Variants in ANK2 observed in about 807,000 individuals in gnomAD.
The protein encoded by ANK2 is ankyrin-2.
ANK2 carries 83 observed loss-of-function variants against 360.5 expected under a neutral mutation model. The ratio of observed to expected loss-of-function variants is 0.23; its 90% CI spans 0.19 to 0.28. The LOEUF (loss-of-function observed/expected upper bound fraction) is 0.28, where lower values mean the gene tolerates loss of function less well. Among genes scored for constraint, ANK2 ranks in the 10% least tolerant of loss-of-function variants. The probability of loss-of-function intolerance (pLI) is 1.00; values close to 1 mark genes in which losing one functional copy is unlikely to be tolerated. For missense variants in ANK2, 4,201 were observed against 4,795.7 expected, an observed-to-expected ratio of 0.88 and a Z score of 3.66; for synonymous variants, 1,740 against 1,759.5, an observed-to-expected ratio of 0.99 and a Z score of 0.28.
chr4:112,865,569 A>G (rs1205200580), intron 1 of ANK2, among the ~76,000 whole-genome samples: 2 of 152,220 alleles, frequency 1.3e-5, no homozygotes, highest in Non-Finnish European at 2.9e-5. Flanking sequence ...TGCTTACAAA[A>G]CAGTTAGGGA....
chr4:113,300,009 A>G (rs907045668), intron 22 of ANK2, among the ~76,000 whole-genome samples: 1 of 152,124 alleles, frequency 6.6e-6, no homozygotes, highest in Non-Finnish European at 1.5e-5. Context: ...CCACTAATAC[A>G]GAATATGGGC....
chr4:112,941,058 G>A lies in ANK2; in HGVS notation c.21+36544G>A, dbSNP rs1349442533. Reference sequence around the variant, plus strand: ...TTGTGAGAAGAGTTTGGCTACTTTAGCATAAAAGTTACTAAATGCACCTTT... The same window carrying A: ...TTGTGAGAAGAGTTTGGCTACTTTAACATAAAAGTTACTAAATGCACCTTT... On this transcript the variant is annotated intron_variant, in intron 2 of 30. Coordinates refer to the ANK2 transcript ENST00000503271. Among the ~76,000 whole-genome samples the A allele has an allele frequency of 2.0e-5, 3 of 151,996 alleles. No individual in the cohort carries two copies. The South Asian group carries it at 6.2e-4, about 32-fold the overall frequency.
At chr4:112,731,775 T>C in the ANK2 span, among the ~76,000 whole-genome samples, 1 of 152,160 alleles carries the variant, frequency 6.6e-6, no homozygotes, top group East Asian at 1.9e-4. Context: ...ATCTACATGT[T>C]TTGTATGCAT....
At chr4:112,996,408 T>C (rs1223709520) in intron 2 of ANK2, among the ~76,000 whole-genome samples, 1 of 152,128 alleles carries the variant, frequency 6.6e-6, no homozygotes, top group African/African-American at 2.4e-5. Flanking sequence ...ATTTTTATGC[T>C]TTAATTATAC....
intron 2 of ANK2, among the ~76,000 whole-genome samples, chr4:113,019,140 G>C (rs992477908): frequency 6.6e-6 from 1 of 152,166 alleles, no homozygotes; most frequent in Non-Finnish European, 1.5e-5. Flanking sequence ...AAAAAGGCTA[G>C]TTAATAATCT....
chr4:112,743,239 A>C, the ANK2 span, among the ~76,000 whole-genome samples: 1 of 152,148 alleles, frequency 6.6e-6, no homozygotes, highest in Non-Finnish European at 1.5e-5. Flanking sequence ...GATACCTGAT[A>C]ATTTCATTAT....
chr4:112,796,655 CTTT>C, the ANK2 span, among the ~76,000 whole-genome samples: 20 of 135,662 alleles, frequency 1.5e-4, no homozygotes, highest in East Asian at 4.2e-4. Flanking sequence ...TGGCCACCTT[CTTT>C]TTTTTTTTTT....
intron 1 of ANK2, among the ~76,000 whole-genome samples, chr4:113,134,162 C>T (rs1357538842): frequency 6.6e-6 from 1 of 151,666 alleles, no homozygotes; most frequent in African/African-American, 2.4e-5. Flanking sequence ...ACAGGAATCT[C>T]TTGTTAGAGT....
chr4:112,714,803 G>C, the ANK2 span, among the ~76,000 whole-genome samples: 2 of 152,294 alleles, frequency 1.3e-5, no homozygotes, highest in South Asian at 4.1e-4. Flanking sequence ...TTTTTATAAA[G>C]GGGTATTATA....
intron 1 of ANK2, among the ~76,000 whole-genome samples, chr4:112,830,102 A>G (rs182606615): frequency 2.2e-3 from 331 of 152,346 alleles, no homozygotes; most frequent in Non-Finnish European, 4.1e-3. Flanking sequence ...AGATTTCTCA[A>G]AGAACTTAAA....
At position 113,057,865 on chromosome 4, in the gene ANK2, A is replaced by C. The variant is rs138864348; in HGVS notation, c.84+8053A>C. ...AGGCACTCATAATACTTTGCATAGC[A>C]GCTAAAAACTGGTTTGTCCCTTTGG... On this transcript the variant is annotated intron_variant, in intron 1 of 45. Transcript: ENST00000357077. Among the ~76,000 whole-genome samples the C allele has an allele frequency of 2.8e-3, 419 of 152,288 alleles. 1 individual carries two copies. The highest frequency in any genetic ancestry group is 9.5e-3 in the African/African-American group (393 of 41,568).
chr4:113,260,190 T>C lies in ANK2; in HGVS notation c.1386+1779T>C, dbSNP rs1486896758. Reference sequence around the variant, plus strand: ...GAATTTGTGGCCACTCTTACTTTGCTTCTTCACTGACCAATTCCAAATCTT... The same window carrying C: ...GAATTTGTGGCCACTCTTACTTTGCCTCTTCACTGACCAATTCCAAATCTT... On this transcript the variant is annotated intron_variant, in intron 13 of 45. Transcript: ENST00000357077. Among the ~76,000 whole-genome samples, 3 of 152,216 alleles carry C rather than the reference T, an allele frequency of 2.0e-5. No individual in the cohort carries two copies. The East Asian group carries it at 5.8e-4, about 29-fold the overall frequency.
the ANK2 span, among the ~76,000 whole-genome samples, chr4:112,706,042 G>A: frequency 1.3e-5 from 2 of 151,342 alleles, no homozygotes; most frequent in East Asian, 3.9e-4. Flanking sequence ...CGGCGGCTGC[G>A]GAGACTCCGG....
the ANK2 span, among the ~76,000 whole-genome samples, chr4:112,776,214 A>G: frequency 3.9e-5 from 6 of 152,210 alleles, no homozygotes; most frequent in South Asian, 1.0e-3. Context: ...CTGTAACAAA[A>G]GATTAGCAAG....
At chr4:112,907,557 T>C (rs1424158427) in intron 2 of ANK2, among the ~76,000 whole-genome samples, 1 of 152,180 alleles carries the variant, frequency 6.6e-6, no homozygotes, top group Non-Finnish European at 1.5e-5. Context: ...ATCTGGTGGC[T>C]CCATTGAACA....
At chr4:112,892,145 T>C (rs1442138328) in intron 1 of ANK2, among the ~76,000 whole-genome samples, 1 of 152,126 alleles carries the variant, frequency 6.6e-6, no homozygotes, top group Non-Finnish European at 1.5e-5. Flanking sequence ...ATGGGAGTTC[T>C]AGGTGGCTCT....
upstream of ANK2, among the ~76,000 whole-genome samples, chr4:112,814,437 T>TTTTGTTTG (rs901979881): frequency 2.5e-5 from 1 of 39,434 alleles, no homozygotes; most frequent in Non-Finnish European, 6.3e-5. Context: ...TTTTTTGTTT[T>TTTTGTTTG]TTTGTTTGTT....
intron 1 of ANK2, chr4:112,904,433 T>A: frequency 7.9e-7 from 1 of 1,272,252 alleles, no homozygotes; most frequent in East Asian, 2.7e-5. Flanking sequence ...CTTCTAATAT[T>A]TTCTCTTTTT....
chr4:113,371,553 C>T (rs923956287), intron 43 of ANK2, among the ~76,000 whole-genome samples: 5 of 152,158 alleles, frequency 3.3e-5, no homozygotes, highest in African/African-American at 1.2e-4. Context: ...ATAAGTCACT[C>T]TGAATTTCAC....
Sources: allele counts gnomAD v4.1 joint callset (sites outside exome capture counted in the v4.1 genomes callset), GRCh38; gene constraint gnomAD v4.1.1; transcripts MANE v1.5; gene names NCBI Gene and HGNC (gene_info 2026-07-23, HGNC 2026-07-21).